IGSF10: variants seen among roughly 807,000 people sequenced by gnomAD.
IGSF10 encodes the protein calvaria mechanical force protein 608.
A neutral mutation model predicts 128.2 loss-of-function variants in IGSF10; 126 were observed. The ratio of observed to expected loss-of-function variants is 0.98; its 90% CI spans 0.85 to 1.14. IGSF10 has a LOEUF of 1.14. Among genes scored for constraint, IGSF10 ranks in the 50% most tolerant of loss-of-function variants. The pLI, the probability that IGSF10 is intolerant of heterozygous loss-of-function variation, is 0.00. For synonymous variants in IGSF10, 1,185 were observed against 1,146.2 expected, an observed-to-expected ratio of 1.03 and a Z score of -0.68; for missense variants, 3,295 against 3,149.8, an observed-to-expected ratio of 1.05 and a Z score of -1.10.
rs765338540 is a variant in IGSF10, at chr3:151,449,168, C to A, written c.813G>T (p.Met271Ile). ...CACACTGGAAAGCTGCAGCTGAGAC[C>A]ATAGCTAACGGCTTGCCTTTAGAAG... is the stretch of plus-strand genomic sequence containing the variant. Reference protein sequence around the residue: ...PRTSKGKPLAMVSAAAFQCAK... With the variant: ...PRTSKGKPLAIVSAAAFQCAK... The change falls in exon 6 of 8, where the codon ATG (methionine) becomes ATT (isoleucine). Residue 271 changes from methionine (M) to isoleucine (I), a missense_variant. Met to Ile is a conservative substitution (Grantham distance 10). Coordinates refer to ENST00000282466, the MANE Select transcript of IGSF10 (RefSeq NM_178822.5). 2 of 1,614,070 alleles carry A rather than the reference C, an allele frequency of 1.2e-6. No homozygotes were observed. The highest frequency in any genetic ancestry group is 1.7e-6 in the Non-Finnish European group (2 of 1,180,036).
the IGSF10 span, among the ~76,000 whole-genome samples, chr3:151,511,192 A>G: frequency 6.6e-6 from 1 of 152,312 alleles, no homozygotes; most frequent in African/African-American, 2.4e-5. Context: ...ATGAAGGAAA[A>G]AATGTTAAGG....
At chr3:151,501,211 ATTTTTC>A in the IGSF10 span, among the ~76,000 whole-genome samples, 1 of 151,854 alleles carries the variant, frequency 6.6e-6, no homozygotes, top group African/African-American at 2.4e-5. Context: ...TTTATTTTTT[ATTTTTC>A]TTTTTAAGTT....
chr3:151,539,766 A>ATCTATCTG, the IGSF10 span, among the ~76,000 whole-genome samples: 105 of 35,710 alleles, frequency 2.9e-3, no homozygotes, highest in African/African-American at 0.012. Flanking sequence ...TTTCAACAGC[A>ATCTATCTG]TCTATCTATC....
chr3:151,562,414 C>A, the IGSF10 span, among the ~76,000 whole-genome samples: 1 of 152,144 alleles, frequency 6.6e-6, no homozygotes, highest in African/African-American at 2.4e-5. Context: ...TATTCCTTCA[C>A]TTTCCTAATA....
the IGSF10 span, among the ~76,000 whole-genome samples, chr3:151,484,786 C>T: frequency 0.012 from 1,861 of 149,712 alleles, 46 homozygotes; most frequent in African/African-American, 0.044. Flanking sequence ...TACTCGGAGA[C>T]CACATCCAAA....
the IGSF10 span, among the ~76,000 whole-genome samples, chr3:151,490,505 A>ATTT: frequency 2.9e-3 from 439 of 149,034 alleles, 3 homozygotes; most frequent in African/African-American, 6.0e-3. Context: ...TTTGAACTGC[A>ATTT]TTTTTTTTTT....
intron 3 of IGSF10, 60 bp downstream of exon 3, chr3:151,458,456 G>A (rs1480782158): frequency 8.0e-7 from 1 of 1,247,798 alleles, no homozygotes. Flanking sequence ...ATGTTTGAGG[G>A]ACAAGTCACT....
At chr3:151,607,647 C>T in the IGSF10 span, among the ~76,000 whole-genome samples, 31 of 152,204 alleles carry the variant, frequency 2.0e-4, no homozygotes, top group Admixed American at 1.7e-3. Context: ...CGCGGTGGCT[C>T]ATGCCTGTAA....
At chr3:151,463,756 C>T (rs994760221), upstream of IGSF10, among the ~76,000 whole-genome samples, 3 of 151,370 alleles carry the variant, frequency 2.0e-5, no homozygotes, top group African/African-American at 7.3e-5. Flanking sequence ...GAGGCCAAGG[C>T]GGGAGGATCA....
At chr3:151,584,377 G>A in the IGSF10 span, among the ~76,000 whole-genome samples, 356 of 152,202 alleles carry the variant, frequency 2.3e-3, no homozygotes, top group African/African-American at 7.3e-3. Context: ...ATCTTTTAAT[G>A]AGGCCATTTA....
At chr3:151,510,858 G>C in the IGSF10 span, among the ~76,000 whole-genome samples, 9 of 152,252 alleles carry the variant, frequency 5.9e-5, no homozygotes, top group African/African-American at 2.2e-4. Context: ...GGAAGAAAGG[G>C]TATCAGTGGT....
chr3:151,528,843 A>G, the IGSF10 span, among the ~76,000 whole-genome samples: 2 of 149,100 alleles, frequency 1.3e-5, no homozygotes, highest in Non-Finnish European at 3.0e-5. Context: ...CTGGAATGCT[A>G]GTGAGACAGA....
At chr3:151,432,638 C>T (rs1719664536), downstream of IGSF10, 4 of 753,752 alleles carry the variant, frequency 5.3e-6, no homozygotes, top group African/African-American at 5.2e-5. Flanking sequence ...ACTCTCCGGC[C>T]ATTCTGTTTC....
chr3:151,556,424 T>C, the IGSF10 span, among the ~76,000 whole-genome samples: 3 of 152,164 alleles, frequency 2.0e-5, no homozygotes, highest in Non-Finnish European at 4.4e-5. Context: ...AACAGACCAG[T>C]TATGCTAAGG....
rs1328714225 is a variant in IGSF10 at position 151,446,291 on chromosome 3, G to A, written c.3690C>T (p.Ser1230=). 1 of 1,614,020 alleles carries A rather than the reference G, an allele frequency of 6.2e-7. No individual in the cohort carries two copies. The highest frequency in any genetic ancestry group is 2.2e-5 in the East Asian group (1 of 44,878). The part of the protein sequence containing the change: ...RNQHKVSLQK[S]TAVMLPKTSP... ...ATGTTTTAGGAAGCATCACAGCTGT[G>A]CTTTTTTGTAAACTAACTTTATGTT... is the stretch of plus-strand genomic sequence containing the variant. Residue 1230 remains serine, a synonymous_variant, in exon 6 of 8, where the codon AGC becomes AGT. Transcript: ENST00000282466.
At chr3:151,476,328 C>A in the IGSF10 span, among the ~76,000 whole-genome samples, 6 of 151,996 alleles carry the variant, frequency 3.9e-5, no homozygotes, top group Non-Finnish European at 7.4e-5. Context: ...ACAGACAACA[C>A]GAATAGGTGT....
the IGSF10 span, among the ~76,000 whole-genome samples, chr3:151,608,412 C>CA: frequency 6.6e-6 from 1 of 152,094 alleles, no homozygotes; most frequent in African/African-American, 2.4e-5. Flanking sequence ...TAAGGACTCA[C>CA]AAAAAAGGAC....
At chr3:151,509,975 A>C in the IGSF10 span, among the ~76,000 whole-genome samples, 1 of 152,210 alleles carries the variant, frequency 6.6e-6, no homozygotes. Flanking sequence ...CGAAGTGGCC[A>C]GGAAGCTGGA....
chr3:151,521,713 T>C, the IGSF10 span, among the ~76,000 whole-genome samples: 3 of 152,160 alleles, frequency 2.0e-5, no homozygotes, highest in South Asian at 6.2e-4. Context: ...GCTAAGGCAG[T>C]GTTAAAAGGG....
Sources: gnomAD v4.1 joint callset for allele counts (sites outside exome capture counted in the v4.1 genomes callset) on GRCh38, gnomAD v4.1.1 for gene constraint, MANE v1.5 for transcripts, NCBI Gene and HGNC (gene_info 2026-07-23, HGNC 2026-07-21) for gene names.